The following PLEKHA6 variants were observed in gnomAD, a reference collection of about 807,000 sequenced individuals.
PLEKHA6 encodes the protein pleckstrin homology domain-containing family A member 6.
Under a neutral mutation model 116.7 loss-of-function variants are expected in PLEKHA6, and 60 were observed. That is an observed-to-expected ratio of 0.51 (90% CI 0.42 to 0.64). The LOEUF (loss-of-function observed/expected upper bound fraction) is 0.64, where lower values mean the gene tolerates loss of function less well. Ranked by LOEUF, PLEKHA6 falls within the 30% of genes least tolerant of loss-of-function variation. The pLI, the probability that PLEKHA6 is intolerant of heterozygous loss-of-function variation, is 0.00. For missense variants in PLEKHA6, 1,338 were observed against 1,422.7 expected (o/e 0.94, Z 0.96); for synonymous variants, 489 against 556.1 (o/e 0.88, Z 1.70).
rs1659403140 is a variant in PLEKHA6, at chr1:204,219,244, T to C, written c.*3544A>G. Reference sequence around the variant, plus strand: ...ACGTGTGTGTGTGTGTGTGTGTGTATATATATATATATATATAATGTGTGT... The same window carrying C: ...ACGTGTGTGTGTGTGTGTGTGTGTACATATATATATATATATAATGTGTGT... On this transcript the variant is annotated 3_prime_UTR_variant, in exon 23 of 23. Coordinates refer to ENST00000272203, the MANE Select transcript of PLEKHA6 (RefSeq NM_014935.5). 8.5e-6 allele frequency: 1 copy of C among 118,300 alleles called. No homozygotes were observed. Among genetic ancestry groups the C allele is most frequent in the South Asian group, 2.3e-4 (1 of 4,268 alleles). The allele number at this position is 118,300 out of a possible 1,614,324, so 7.3% of individuals were successfully genotyped here. A position where few individuals can be genotyped will look rare whatever the true frequency, so the allele number is the denominator to read the frequency against.
At chr1:204,279,024 C>T (rs1053255607) in intron 1 of PLEKHA6, among the ~76,000 whole-genome samples, 34 of 152,196 alleles carry the variant, frequency 2.2e-4, no homozygotes, top group African/African-American at 8.0e-4. Context: ...CCTCACTCAG[C>T]TTCCCTGCCT....
chr1:204,316,536 C>A (rs1671867458), intron 1 of PLEKHA6, among the ~76,000 whole-genome samples: 1 of 152,206 alleles, frequency 6.6e-6, no homozygotes, highest in Admixed American at 6.5e-5. Context: ...GCTGGCAGAG[C>A]CTCCGGAGCT....
At chr1:204,279,417 G>A (rs1668365471) in intron 1 of PLEKHA6, among the ~76,000 whole-genome samples, 1 of 152,142 alleles carries the variant, frequency 6.6e-6, no homozygotes, top group South Asian at 2.1e-4. Context: ...TTTCATTTTA[G>A]TTAGACATCA....
At chr1:204,281,613 G>A (rs868370004) in intron 1 of PLEKHA6, among the ~76,000 whole-genome samples, 4 of 152,088 alleles carry the variant, frequency 2.6e-5, no homozygotes, top group South Asian at 2.1e-4. Context: ...AACCCCTACT[G>A]TCTCTCTTCC....
At chr1:204,281,740 C>T (rs1261991622) in intron 1 of PLEKHA6, among the ~76,000 whole-genome samples, 1 of 152,266 alleles carries the variant, frequency 6.6e-6, no homozygotes, top group Admixed American at 6.5e-5. Flanking sequence ...GCTCATCCCC[C>T]CTTTGATGCC....
Position 204,259,867 on chromosome 1 carries a change from A to G in PLEKHA6, c.525-127T>C. 3.1e-6 allele frequency: 3 copies of G among 968,576 alleles called. No homozygotes were observed. Among genetic ancestry groups the G allele is most frequent in the Non-Finnish European group, 4.5e-6 (3 of 669,100 alleles). The allele number at this position is 968,576 out of a possible 1,614,324, so 60.0% of individuals were successfully genotyped here. On this transcript the variant is annotated intron_variant, in intron 7 of 22. Transcript: ENST00000272203. The surrounding 1 kb of genome is among the most constrained non-coding windows in gnomAD (Gnocchi z 4.6). ...GGGAGGTGGCTGGAACCAGGATTCT[A>G]TGAACTCCAGTTCTGCTTCCTAAGT...
In PLEKHA6 at chr1:204,228,852, G is replaced by C; in HGVS notation, c.2761C>G (p.Pro921Ala). The C allele has an allele frequency of 6.2e-7, 1 of 1,614,088 alleles. No individual in the cohort carries two copies. Among genetic ancestry groups the C allele is most frequent in the Non-Finnish European group, 8.5e-7 (1 of 1,179,986 alleles). The change falls in exon 20 of 23, where the codon CCA (proline) becomes GCA (alanine). Residue 921 changes from proline to alanine, a missense_variant. By Grantham distance (27) the Pro-to-Ala change is conservative. Around this residue, in one of 3 missense-constraint regions of PLEKHA6, gnomAD observed 1,136 missense variants for 1,163.6 expected, o/e 0.98. Transcript: ENST00000272203. This position sits in a 1 kb window ranked among gnomAD's most constrained non-coding sequence, Gnocchi z 4.0. Reference protein sequence around the residue: ...DVDINKELSTPDKVLIPERYI... With the variant: ...DVDINKELSTADKVLIPERYI... Reference sequence around the variant, plus strand: ...CGTTCAGGGATGAGGACTTTGTCTGGAGTGGAGAGCTATGGAGGGGCTGGG... The same window carrying C: ...CGTTCAGGGATGAGGACTTTGTCTGCAGTGGAGAGCTATGGAGGGGCTGGG...
Position 204,257,012 on chromosome 1 carries a change from A to G in PLEKHA6, c.1524+341T>C. The G allele has an allele frequency of 1.7e-6, 1 of 580,396 alleles. No homozygotes were observed. The highest frequency in any genetic ancestry group is 3.1e-6 in the Non-Finnish European group (1 of 327,290). 36.0% of individuals were successfully genotyped at this position (580,396 alleles called of 1,614,324 possible). ...CAGAGCAGATCCCAAACTGAAATGGACAGCAGCCCCCCTTGCAATGATCTG... is the reference window on the plus strand; with the variant it reads ...CAGAGCAGATCCCAAACTGAAATGGGCAGCAGCCCCCCTTGCAATGATCTG... On this transcript the variant is annotated intron_variant, in intron 9 of 22. Coordinates refer to ENST00000272203, the MANE Select transcript of PLEKHA6 (RefSeq NM_014935.5). The surrounding 1 kb of genome is among the most constrained non-coding windows in gnomAD (Gnocchi z 6.5).
At chr1:204,251,101 G>A (rs989883240) in intron 9 of PLEKHA6, among the ~76,000 whole-genome samples, 7 of 152,174 alleles carry the variant, frequency 4.6e-5, no homozygotes, top group Admixed American at 2.6e-4. Flanking sequence ...ATTCAGAAGC[G>A]TCTCCGGATC....
At chr1:204,300,307 C>A (rs1670687692) in intron 1 of PLEKHA6, among the ~76,000 whole-genome samples, 1 of 152,202 alleles carries the variant, frequency 6.6e-6, no homozygotes, top group Admixed American at 6.5e-5. Flanking sequence ...CAGGTCCCCA[C>A]TCAAGGGAAC....
chr1:204,234,476 C>T (rs2102476650), intron 17 of PLEKHA6, among the ~76,000 whole-genome samples: 1 of 152,336 alleles, frequency 6.6e-6, no homozygotes, highest in East Asian at 1.9e-4. Context: ...GCACATTTGA[C>T]TCTGAACACT....
At chr1:204,348,496 G>A (rs984649251) in intron 1 of PLEKHA6, among the ~76,000 whole-genome samples, 7 of 152,118 alleles carry the variant, frequency 4.6e-5, no homozygotes, top group Non-Finnish European at 7.4e-5. Context: ...AAACCAACCC[G>A]GTCCTGAGAG....
chr1:204,248,953 G>T lies in PLEKHA6; in HGVS notation c.1692C>A (p.Ala564=). The change falls in exon 12 of 23, where the codon GCC becomes GCA. Residue 564 remains alanine (A), a synonymous_variant. Coordinates refer to ENST00000272203, the MANE Select transcript of PLEKHA6 (RefSeq NM_014935.5). The part of the protein sequence containing the change: ...LRAEKESLES[A]LMGTHQELEM... ...CCAGCTCCTGGTGGGTCCCCATCAA[G>T]GCACTTTCCAGGCTCTCCTGAAGAA... 6.2e-7 allele frequency: 1 copy of T among 1,614,112 alleles called. No homozygotes were observed. Among genetic ancestry groups the T allele is most frequent in the African/African-American group, 1.3e-5 (1 of 75,036 alleles).
At chr1:204,241,100 A>C (rs1662744794) in intron 17 of PLEKHA6, among the ~76,000 whole-genome samples, 1 of 152,154 alleles carries the variant, frequency 6.6e-6, no homozygotes. Context: ...GTTAATACTT[A>C]CTAAACTCCC....
chr1:204,265,209 G>A (rs1666651396), intron 5 of PLEKHA6, among the ~76,000 whole-genome samples, 167 bp from the exon 6 acceptor site: 1 of 152,158 alleles, frequency 6.6e-6, no homozygotes, highest in Admixed American at 6.5e-5. Flanking sequence ...TGCTCCGAGA[G>A]GACACTCCCT....
At chr1:204,268,333 T>A (rs1667069081) in intron 3 of PLEKHA6, 21 bp from the exon 4 acceptor site, 2 of 1,549,900 alleles carry the variant, frequency 1.3e-6, no homozygotes, top group Non-Finnish European at 8.8e-7. Context: ...AGAGAGAAGC[T>A]GATCTAGGTC....
At chr1:204,245,031 C>T (rs1385434720) in intron 14 of PLEKHA6, 28 bp from the exon 15 acceptor site, 11 of 1,392,152 alleles carry the variant, frequency 7.9e-6, no homozygotes, top group Non-Finnish European at 1.0e-5. Context: ...GATGGGTGAG[C>T]AATGGAGGAG....
In PLEKHA6 at chr1:204,348,966, C is replaced by T. The variant is rs12023552; in HGVS notation, c.-95+10728G>A. On this transcript the variant is annotated intron_variant, in intron 1 of 22. Coordinates refer to ENST00000272203, the MANE Select transcript of PLEKHA6 (RefSeq NM_014935.5). ...AGGTCCAGTTGCTTGGCAACCAGAA[C>T]AGCTTGTCGGGAGGGGTTAGCTTCA... Among the ~76,000 whole-genome samples, 73 of 152,294 alleles carry T rather than the reference C, an allele frequency of 4.8e-4. No homozygotes were observed. In the East Asian group the frequency reaches 0.013, roughly 28 times the overall value.
chr1:204,347,355 C>T (rs1401530264), intron 1 of PLEKHA6: 12 of 643,802 alleles, frequency 1.9e-5, no homozygotes, highest in Non-Finnish European at 2.8e-5. Context: ...GGCTCACTGG[C>T]TGTCAGAGTT....
Sources: allele counts gnomAD v4.1 joint callset (sites outside exome capture counted in the v4.1 genomes callset), GRCh38; gene constraint gnomAD v4.1.1; regional missense constraint gnomAD v4.1.1; non-coding constraint Gnocchi (gnomAD v3.1); transcripts MANE v1.5; gene names NCBI Gene and HGNC (gene_info 2026-07-23, HGNC 2026-07-21).